SAMD4A: variants seen among roughly 807,000 people sequenced by gnomAD.
SAMD4A encodes sterile alpha motif domain containing 4A, also known as protein Smaug homolog 1.
In SAMD4A, 33 loss-of-function variants were observed where a neutral mutation model predicts 81.3. The observed-to-expected ratio is 0.41, with a 90% confidence interval of 0.31 to 0.54. SAMD4A has a LOEUF of 0.54. SAMD4A is among the 20% of genes least tolerant of loss of function. SAMD4A has a pLI of 0.37. For synonymous variants in SAMD4A, 389 were observed against 382.1 expected (o/e 1.02, Z -0.21); for missense variants, 854 against 951.1 (o/e 0.90, Z 1.34).
chr14:54,782,883 C>A (rs1381997961), intron 11 of SAMD4A, among the ~76,000 whole-genome samples: 3 of 152,250 alleles, frequency 2.0e-5, no homozygotes, highest in Non-Finnish European at 2.9e-5. Context: ...TCTTTCTTCT[C>A]TCTCTGGCCC....
intron 2 of SAMD4A, chr14:54,693,541 G>A (rs1454600620): frequency 6.6e-6 from 1 of 152,208 alleles, no homozygotes; most frequent in East Asian, 1.9e-4. Flanking sequence ...AAATTAGCCA[G>A]ATGTGGTAGT....
intron 3 of SAMD4A, among the ~76,000 whole-genome samples, chr14:54,705,835 G>T (rs1452966471): frequency 6.6e-6 from 1 of 152,172 alleles, no homozygotes; most frequent in Admixed American, 6.5e-5. Context: ...TATGATATAT[G>T]AATCAGTATC....
At chr14:54,649,094 C>T (rs765971700) in intron 2 of SAMD4A, among the ~76,000 whole-genome samples, 1 of 152,164 alleles carries the variant, frequency 6.6e-6, no homozygotes, top group Non-Finnish European at 1.5e-5. Flanking sequence ...GAGATGGGAA[C>T]ACTGAATGAG....
chr14:54,683,326 T>G (rs981141893), intron 2 of SAMD4A, among the ~76,000 whole-genome samples: 1 of 152,188 alleles, frequency 6.6e-6, no homozygotes, highest in Non-Finnish European at 1.5e-5. Context: ...CCCAAGTGGA[T>G]GGCAGTGATG....
At chr14:54,673,745 A>C (rs1302766187) in intron 2 of SAMD4A, among the ~76,000 whole-genome samples, 1 of 152,244 alleles carries the variant, frequency 6.6e-6, no homozygotes, top group Non-Finnish European at 1.5e-5. Context: ...TAGGCAGCTG[A>C]GTCTAAGAAG....
chr14:54,672,243 T>TC (rs2035900953), intron 2 of SAMD4A, among the ~76,000 whole-genome samples: 2 of 151,878 alleles, frequency 1.3e-5, no homozygotes, highest in African/African-American at 4.8e-5. Flanking sequence ...TGTGTTTTTT[T>TC]CCCTCTTTTA....
chr14:54,774,594 C>T (rs1196753669), intron 9 of SAMD4A, among the ~76,000 whole-genome samples: 1 of 151,156 alleles, frequency 6.6e-6, no homozygotes, highest in Admixed American at 6.6e-5. Flanking sequence ...TTGGGAAGAT[C>T]GCTTGAGCCT....
At chr14:54,633,359 A>C (rs1224640784) in intron 2 of SAMD4A, among the ~76,000 whole-genome samples, 2 of 152,140 alleles carry the variant, frequency 1.3e-5, no homozygotes, top group African/African-American at 2.4e-5. Context: ...GTGAGTGAGG[A>C]GGAGACTGCA....
intron 2 of SAMD4A, among the ~76,000 whole-genome samples, chr14:54,657,930 G>A (rs1879970308): frequency 6.6e-6 from 1 of 152,256 alleles, no homozygotes; most frequent in Non-Finnish European, 1.5e-5. Context: ...AACAGCCACA[G>A]AGCAGCTCAA....
intron 3 of SAMD4A, among the ~76,000 whole-genome samples, chr14:54,731,861 C>T (rs1353019286): frequency 2.0e-5 from 3 of 152,102 alleles, no homozygotes; most frequent in African/African-American, 7.2e-5. Context: ...ATATTTAATG[C>T]CCTTATTCAA....
intron 3 of SAMD4A, among the ~76,000 whole-genome samples, chr14:54,727,334 C>T (rs896014299): frequency 2.0e-5 from 3 of 151,650 alleles, no homozygotes; most frequent in African/African-American, 7.3e-5. Flanking sequence ...GGATTACAGG[C>T]ATGCAACACC....
chr14:54,747,030 G>A (rs866502581), intron 4 of SAMD4A, among the ~76,000 whole-genome samples: 11 of 152,212 alleles, frequency 7.2e-5, no homozygotes, highest in African/African-American at 2.7e-4. Flanking sequence ...CAGGATAGAA[G>A]GTTCCAGACT....
chr14:54,606,183 C>CTGTGGG (rs1555335558), intron 2 of SAMD4A, among the ~76,000 whole-genome samples: 4 of 146,570 alleles, frequency 2.7e-5, no homozygotes, highest in African/African-American at 7.7e-5. Flanking sequence ...TACTTCTGGG[C>CTGTGGG]TGTGTGTGTG....
Position 54,626,061 on chromosome 14 carries a change from C to T in SAMD4A, c.196+57949C>T, listed in dbSNP as rs1957887. On this transcript the variant is annotated intron_variant, in intron 2 of 12. Transcript: ENST00000554335. ...GTGTGTGTGTGTGTGTGTGTGTGTGCGCGCGCGCGCGCGCGAGTGCGCACA... is the reference window on the plus strand; with the variant it reads ...GTGTGTGTGTGTGTGTGTGTGTGTGTGCGCGCGCGCGCGCGAGTGCGCACA... Among the ~76,000 whole-genome samples, 357 of 86,374 alleles carry T rather than the reference C, an allele frequency of 4.1e-3. 1 individual carries two copies. The highest frequency in any genetic ancestry group is 0.014 in the African/African-American group (277 of 19,394). The allele number at this position is 86,374 out of a possible 152,430, so 56.7% of individuals were successfully genotyped here.
intron 7 of SAMD4A, among the ~76,000 whole-genome samples, chr14:54,761,981 G>C (rs991456039): frequency 6.6e-5 from 10 of 152,328 alleles, no homozygotes; most frequent in African/African-American, 2.4e-4. Flanking sequence ...TTGTAGCACA[G>C]TGCTTACAGT....
intron 3 of SAMD4A, among the ~76,000 whole-genome samples, chr14:54,731,439 A>G (rs1320500401): frequency 2.0e-5 from 3 of 152,234 alleles, no homozygotes; most frequent in Non-Finnish European, 4.4e-5. Flanking sequence ...CACACAGCAT[A>G]CATCACCTGA....
chr14:54,639,487 A>G (rs1455203170), intron 2 of SAMD4A, among the ~76,000 whole-genome samples: 1 of 152,162 alleles, frequency 6.6e-6, no homozygotes, highest in Non-Finnish European at 1.5e-5. Context: ...GGGAGGAGGA[A>G]GGCAACCAGC....
chr14:54,685,821 T>A, intron 2 of SAMD4A: 1 of 456,688 alleles, frequency 2.2e-6, no homozygotes, highest in Non-Finnish European at 4.4e-6. Flanking sequence ...GAGGTATGCA[T>A]CCGAAGGGTA....
At chr14:54,771,329 A>G (rs770546662) in intron 9 of SAMD4A, among the ~76,000 whole-genome samples, 1 of 152,222 alleles carries the variant, frequency 6.6e-6, no homozygotes, top group Non-Finnish European at 1.5e-5. Flanking sequence ...TGTGAGGTAG[A>G]GCTGCTGTTG....
Sources: gnomAD v4.1 joint callset for allele counts (sites outside exome capture counted in the v4.1 genomes callset) on GRCh38, gnomAD v4.1.1 for gene constraint, MANE v1.5 for transcripts, NCBI Gene and HGNC (gene_info 2026-07-23, HGNC 2026-07-21) for gene names.